Variants in NSD1 observed in about 807,000 individuals in gnomAD.
The protein encoded by NSD1 is nuclear receptor binding SET domain protein 1, also known as histone-lysine N-methyltransferase, H3 lysine-36 specific.
Under a neutral mutation model 242.7 loss-of-function variants are expected in NSD1, and 26 were observed. The ratio of observed to expected loss-of-function variants is 0.11; its 90% CI spans 0.08 to 0.15. The LOEUF is 0.15. NSD1 is among the 10% of genes least tolerant of loss of function. The pLI, the probability that NSD1 is intolerant of heterozygous loss-of-function variation, is 1.00. For synonymous variants in NSD1, 1,106 were observed against 1,178.1 expected (o/e 0.94, Z 1.25); for missense variants, 2,495 against 3,272.8 (o/e 0.76, Z 5.80).
intron 14 of NSD1, chr5:177,264,756 A>T: frequency 1.4e-6 from 1 of 730,956 alleles, no homozygotes; most frequent in South Asian, 1.4e-5. Context: ...TCTTCCTGTA[A>T]TTCGCCAAAA....
In NSD1 at chr5:177,244,281, T is replaced by G; in HGVS notation, c.4378+11T>G. ...AAGATTTTGGTGGAGGTGAGTATTT[T>G]TGAGATTTAAAAAACGTAATGCAGT... is the stretch of plus-strand genomic sequence containing the variant. On this transcript the variant is annotated intron_variant, in intron 9 of 22. Transcript: ENST00000439151. 6.2e-7 allele frequency: 1 copy of G among 1,600,434 alleles called. No individual in the cohort carries two copies. The highest frequency in any genetic ancestry group is 8.6e-7 in the Non-Finnish European group (1 of 1,167,918).
intron 18 of NSD1, among the ~76,000 whole-genome samples, chr5:177,281,578 G>A (rs1308300176): frequency 6.6e-6 from 1 of 152,158 alleles, no homozygotes; most frequent in Non-Finnish European, 1.5e-5. Context: ...TCATCTCCCA[G>A]TGTGAAAGTA....
intron 21 of NSD1, among the ~76,000 whole-genome samples, chr5:177,290,907 C>T (rs1698466044): frequency 1.3e-5 from 2 of 152,082 alleles, no homozygotes; most frequent in African/African-American, 4.8e-5. Flanking sequence ...AAGTGTAGTG[C>T]GGATGTCAGT....
intron 2 of NSD1, among the ~76,000 whole-genome samples, chr5:177,177,575 G>T (rs1252667643): frequency 1.3e-5 from 2 of 151,988 alleles, no homozygotes; most frequent in Admixed American, 6.6e-5. Flanking sequence ...GCTTGAGCCT[G>T]GGAGGTTGAG....
intron 2 of NSD1, among the ~76,000 whole-genome samples, chr5:177,168,142 G>A (rs1759360880): frequency 6.6e-6 from 1 of 151,990 alleles, no homozygotes; most frequent in Admixed American, 6.6e-5. Context: ...CATTTCTTTA[G>A]GTCTTTAATT....
At chr5:177,280,865 C>A (rs772215148) in intron 18 of NSD1, 31 bp downstream of exon 18, 1 of 1,610,820 alleles carries the variant, frequency 6.2e-7, no homozygotes, top group East Asian at 2.2e-5. Flanking sequence ...CATATACTTT[C>A]TCCTCTTTGC....
chr5:177,150,237 G>A (rs1421448982), intron 2 of NSD1, among the ~76,000 whole-genome samples: 1 of 151,966 alleles, frequency 6.6e-6, no homozygotes, highest in African/African-American at 2.4e-5. Context: ...GAGCTCAAGC[G>A]ATTCTCCTGC....
At position 177,134,698 on chromosome 5, in the gene NSD1, C is replaced by T. The variant is rs972109778; in HGVS notation, c.-17-389C>T. 3.9e-5 allele frequency among the ~76,000 whole-genome samples: 6 copies of T among 152,316 alleles called. No individual in the cohort carries two copies. The South Asian group carries it at 1.2e-3, about 32-fold the overall frequency. ...TTTTTGTGCAGGGTCCAGGAGCCCC[C>T]CTCGGACCCCGCAGCCTTTTGCTTT... On this transcript the variant is annotated intron_variant, in intron 1 of 22. Transcript: ENST00000439151. The surrounding 1 kb of genome is among the most constrained non-coding windows in gnomAD (Gnocchi z 4.2).
chr5:177,186,641 T>C (rs1761256393), intron 2 of NSD1, among the ~76,000 whole-genome samples: 1 of 152,184 alleles, frequency 6.6e-6, no homozygotes, highest in African/African-American at 2.4e-5. Flanking sequence ...AAGATGGTAG[T>C]GACGAGCTTT....
intron 3 of NSD1, among the ~76,000 whole-genome samples, chr5:177,192,325 C>T (rs1761756737): frequency 6.6e-6 from 1 of 151,920 alleles, no homozygotes; most frequent in Admixed American, 6.6e-5. Context: ...ATTCTCCTGC[C>T]TTAGCCTCCC....
intron 13 of NSD1, 77 bp downstream of exon 13, chr5:177,257,228 CTTTT>C (rs373383515): frequency 4.0e-3 from 2,929 of 732,078 alleles, no homozygotes; most frequent in Non-Finnish European, 4.5e-3. Context: ...TTTTTTCTTT[CTTTT>C]TTTTTTTTTT....
chr5:177,254,333 G>A (rs1054848693), intron 12 of NSD1, among the ~76,000 whole-genome samples: 2 of 152,092 alleles, frequency 1.3e-5, no homozygotes, highest in African/African-American at 4.8e-5. Flanking sequence ...TTCTTTTTAT[G>A]GACTGTGATT....
chr5:177,178,061 A>AT (rs1760352982), intron 2 of NSD1, among the ~76,000 whole-genome samples: 1 of 150,966 alleles, frequency 6.6e-6, no homozygotes. Context: ...CGCCTGGCTA[A>AT]TTTTTTTGTA....
chr5:177,224,094 A>G (rs1018547984), intron 5 of NSD1, among the ~76,000 whole-genome samples: 4 of 152,212 alleles, frequency 2.6e-5, no homozygotes, highest in South Asian at 2.1e-4. Flanking sequence ...CTGAAATTGG[A>G]AAGTATAAGT....
intron 5 of NSD1, among the ~76,000 whole-genome samples, chr5:177,228,966 C>G (rs1764844846): frequency 1.3e-5 from 2 of 151,978 alleles, no homozygotes; most frequent in Non-Finnish European, 2.9e-5. Context: ...CCTAGAGAAC[C>G]AATAGTTGAC....
intron 16 of NSD1, among the ~76,000 whole-genome samples, chr5:177,272,611 C>T (rs554757157): frequency 3.9e-5 from 6 of 152,192 alleles, no homozygotes; most frequent in South Asian, 2.1e-4. Context: ...GTACAGGGGC[C>T]GGGCACAGTG....
chr5:177,294,518 C>T lies in NSD1; in HGVS notation c.7150C>T (p.Leu2384=), dbSNP rs1428159720. ...GGAGAAAACCTCAGTTCCCACTGGC[C>T]TGAGACTTCCGCCGCCAGACAGACT... is the stretch of plus-strand genomic sequence containing the variant. ...SLEKTSVPTG[L]RLPPPDRLLI... Residue 2384 remains leucine, a synonymous_variant, in exon 23 of 23, where the codon CTG becomes TTG. Coordinates refer to ENST00000439151, the MANE Select transcript of NSD1 (RefSeq NM_022455.5). 3.1e-6 allele frequency: 5 copies of T among 1,614,224 alleles called. No homozygotes were observed. The highest frequency in any genetic ancestry group is 4.2e-6 in the Non-Finnish European group (5 of 1,180,040).
At position 177,248,288 on chromosome 5, in the gene NSD1, C is replaced by T. The variant is rs140229717; in HGVS notation, c.4605C>T (p.Arg1535=). The change falls in exon 11 of 23, where the codon CGC becomes CGT. Residue 1535 remains arginine (R), a synonymous_variant. Transcript: ENST00000439151. ...CCTCTAAAAAAATGCAGGGTGAACGCGGTGGAGGAGCTGCACTCAAGGAGA... is the reference window on the plus strand; with the variant it reads ...CCTCTAAAAAAATGCAGGGTGAACGTGGTGGAGGAGCTGCACTCAAGGAGA... The part of the protein sequence containing the change: ...MPASKKMQGE[R]GGGAALKENV... The T allele has an allele frequency of 1.6e-4, 265 of 1,613,784 alleles. No individual in the cohort carries two copies. The highest frequency in any genetic ancestry group is 2.2e-4 in the Non-Finnish European group (254 of 1,179,926).
chr5:177,206,639 A>G (rs1285367548), intron 4 of NSD1, among the ~76,000 whole-genome samples: 6 of 152,196 alleles, frequency 3.9e-5, no homozygotes, highest in Non-Finnish European at 7.3e-5. Context: ...GATGCTTTAG[A>G]AACAATTAGT....
Sources: gnomAD v4.1 joint callset for allele counts (sites outside exome capture counted in the v4.1 genomes callset) on GRCh38, gnomAD v4.1.1 for gene constraint, Gnocchi (gnomAD v3.1) non-coding constraint, MANE v1.5 for transcripts, NCBI Gene and HGNC (gene_info 2026-07-23, HGNC 2026-07-21) for gene names.